Variants in IL1RAPL1 observed in about 807,000 individuals in gnomAD.
IL1RAPL1 encodes the protein interleukin-1 receptor accessory protein-like 1.
Under a neutral mutation model 48.4 loss-of-function variants are expected in IL1RAPL1, and 3 were observed. The observed-to-expected ratio is 0.06, with a 90% CI of 0.03 to 0.16. The LOEUF (loss-of-function observed/expected upper bound fraction) is 0.16. Ranked by LOEUF, IL1RAPL1 falls within the 10% of genes least tolerant of loss-of-function variation. The probability of loss-of-function intolerance (pLI) is 1.00; values close to 1 mark genes in which losing one functional copy is unlikely to be tolerated. For synonymous variants in IL1RAPL1, 185 were observed against 187.7 expected, an observed-to-expected ratio of 0.99 and a Z score of 0.12; for missense variants, 349 against 530.6, an observed-to-expected ratio of 0.66 and a Z score of 3.36.
intron 1 of IL1RAPL1, among the ~76,000 whole-genome samples, chrX:28,736,382 C>T (rs948875299): frequency 9.3e-6 from 1 of 107,055 alleles, no homozygotes. Context: ...TGCAGTGAGC[C>T]GAGGTTGTGC....
intron 5 of IL1RAPL1, among the ~76,000 whole-genome samples, chrX:29,662,208 T>C (rs1391099798): frequency 1.8e-5 from 2 of 111,585 alleles, no homozygotes; most frequent in African/African-American, 6.5e-5. Context: ...TGCCCTCTCT[T>C]AAGCATGCCA....
intron 5 of IL1RAPL1, among the ~76,000 whole-genome samples, chrX:29,548,633 C>A (rs530480584): frequency 8.9e-6 from 1 of 111,868 alleles, no homozygotes; most frequent in African/African-American, 3.2e-5. Flanking sequence ...ACTCACTGAG[C>A]ACCATTTAAT....
At chrX:29,722,763 A>C (rs1188596432) in intron 6 of IL1RAPL1, among the ~76,000 whole-genome samples, 3 of 111,967 alleles carry the variant, frequency 2.7e-5, no homozygotes, top group Admixed American at 1.9e-4. Context: ...CTATTTTGGC[A>C]TGAGTCTAAT....
rs1203248525 is a variant in IL1RAPL1 at position 29,350,191 on chromosome X, T to TTATATATGTATATATATATATA, written c.363-46060_363-46059insGTATATATATATATATATATAT. 8.1e-4 allele frequency among the ~76,000 whole-genome samples: 32 copies of TTATATATGTATATATATATATA among 39,422 alleles called. 1 individual carries two copies. The highest frequency in any genetic ancestry group is 5.6e-3 in the African/African-American group (32 of 5,750). The allele number at this position is 39,422 out of a possible 115,157, so 34.2% of individuals were successfully genotyped here. A position where few individuals can be genotyped will look rare whatever the true frequency, so the allele number is the denominator to read the frequency against. On this transcript the variant is annotated intron_variant, in intron 3 of 10. Coordinates refer to ENST00000378993, the MANE Select transcript of IL1RAPL1 (RefSeq NM_014271.4). ...CTCCCTTGGTCTACATACTGTTATT[T>TTATATATGTATATATATATATA]TATATATATATATATATATATATAT... is the stretch of plus-strand genomic sequence containing the variant.
chrX:29,929,925 C>G (rs898517117), intron 8 of IL1RAPL1, among the ~76,000 whole-genome samples: 3 of 111,521 alleles, frequency 2.7e-5, no homozygotes, highest in Admixed American at 9.6e-5. Flanking sequence ...ATGTTGAAAG[C>G]AACTTAAAGA....
At chrX:29,430,389 C>T (rs1934406131) in intron 5 of IL1RAPL1, among the ~76,000 whole-genome samples, 1 of 111,024 alleles carries the variant, frequency 9.0e-6, no homozygotes, top group Non-Finnish European at 1.9e-5. Context: ...GCCTCTTCTC[C>T]ATTAGGTTTA....
intron 2 of IL1RAPL1, among the ~76,000 whole-genome samples, chrX:28,811,677 T>C (rs759293575): frequency 2.7e-5 from 3 of 110,661 alleles, no homozygotes; most frequent in Non-Finnish European, 3.8e-5. Context: ...TGGAGATGAA[T>C]ACAATGATTA....
At chrX:28,829,560 T>A (rs1920997820) in intron 2 of IL1RAPL1, among the ~76,000 whole-genome samples, 1 of 22,757 alleles carries the variant, frequency 4.4e-5, no homozygotes, top group Admixed American at 4.4e-4. Context: ...GTGCTGGAAT[T>A]TTTTTTTTTT....
intron 1 of IL1RAPL1, among the ~76,000 whole-genome samples, chrX:28,782,916 A>G (rs1936438269): frequency 8.9e-6 from 1 of 111,946 alleles, no homozygotes; most frequent in Non-Finnish European, 1.9e-5. Context: ...TTTTGTTTAT[A>G]TCATTGCTCT....
chrX:29,787,527 G>A (rs1929526896), intron 6 of IL1RAPL1, among the ~76,000 whole-genome samples: 2 of 111,696 alleles, frequency 1.8e-5, no homozygotes, highest in Admixed American at 1.9e-4. Flanking sequence ...CCTGAAAAGT[G>A]TCCTTGTAAG....
intron 1 of IL1RAPL1, among the ~76,000 whole-genome samples, chrX:28,737,698 G>A (rs766606057): frequency 2.7e-5 from 3 of 112,494 alleles, no homozygotes; most frequent in South Asian, 3.6e-4. Context: ...TTAATATAGA[G>A]ATTTTACATG....
At chrX:29,496,378 C>T (rs1367857267) in intron 5 of IL1RAPL1, among the ~76,000 whole-genome samples, 3 of 108,361 alleles carry the variant, frequency 2.8e-5, no homozygotes, top group Non-Finnish European at 3.8e-5. Context: ...TCCCTCATGG[C>T]TTGGTGTTGT....
intron 5 of IL1RAPL1, among the ~76,000 whole-genome samples, chrX:29,586,107 A>G (rs1345280244): frequency 9.0e-6 from 1 of 111,724 alleles, no homozygotes; most frequent in Admixed American, 9.6e-5. Flanking sequence ...TGTCATATTC[A>G]TGAAGCAATT....
chrX:28,714,606 G>T (rs1162584117), intron 1 of IL1RAPL1, among the ~76,000 whole-genome samples: 1 of 112,039 alleles, frequency 8.9e-6, no homozygotes. Flanking sequence ...ACGTTAGCTG[G>T]CAGTTTTAGT....
rs182159101 is a variant in IL1RAPL1, at chrX:29,389,797, G to A, written c.363-6461G>A. ...TTTAAAAAAGAATTTCAAATGAGAA[G>A]GCAGTAAACTGGCATTTTTAGGTTT... On this transcript the variant is annotated intron_variant, in intron 3 of 10. Transcript: ENST00000378993. Among the ~76,000 whole-genome samples, 434 of 112,275 alleles carry A rather than the reference G, an allele frequency of 3.9e-3. 2 individuals carry two copies. Among genetic ancestry groups the A allele is most frequent in the African/African-American group, 0.013 (410 of 30,952 alleles).
chrX:29,552,609 G>T (rs886160853), intron 5 of IL1RAPL1, among the ~76,000 whole-genome samples: 1 of 110,944 alleles, frequency 9.0e-6, no homozygotes, highest in Non-Finnish European at 1.9e-5. Flanking sequence ...AGTTTCACTC[G>T]TTTTACCAAA....
At chrX:28,785,352 C>T (rs1936463780) in intron 1 of IL1RAPL1, among the ~76,000 whole-genome samples, 1 of 111,942 alleles carries the variant, frequency 8.9e-6, no homozygotes, top group Non-Finnish European at 1.9e-5. Flanking sequence ...TCTTGAACTC[C>T]TGGGCCCAAA....
chrX:29,791,658 A>G, intron 6 of IL1RAPL1, among the ~76,000 whole-genome samples: 1 of 108,148 alleles, frequency 9.2e-6, no homozygotes, highest in Admixed American at 9.9e-5. Context: ...TCCTGACTTC[A>G]GGTGATCCAC....
chrX:28,740,229 T>A (rs1935891166), intron 1 of IL1RAPL1, among the ~76,000 whole-genome samples: 2 of 112,000 alleles, frequency 1.8e-5, no homozygotes, highest in South Asian at 7.3e-4. Context: ...CTTATGTCAC[T>A]GAAGAGAAGA....
Sources: allele counts gnomAD v4.1 joint callset (sites outside exome capture counted in the v4.1 genomes callset), GRCh38; gene constraint gnomAD v4.1.1; transcripts MANE v1.5; gene names NCBI Gene and HGNC (gene_info 2026-07-23, HGNC 2026-07-21).